Variants in BTG4 observed in about 807,000 individuals in gnomAD.
BTG4 encodes the protein BTG anti-proliferation factor 4.
In BTG4, 10 loss-of-function variants were observed where a neutral mutation model predicts 19.3. The ratio of observed to expected loss-of-function variants is 0.52; its 90% confidence interval spans 0.32 to 0.88. BTG4 has a LOEUF of 0.88. BTG4 is among the 40% of genes least tolerant of loss of function. The pLI, the probability that BTG4 is intolerant of heterozygous loss-of-function variation, is 0.04. For synonymous variants in BTG4, 91 were observed against 95.7 expected (o/e 0.95, Z 0.29); for missense variants, 238 against 281.9 (o/e 0.84, Z 1.11).
At chr11:111,422,143 C>A in the BTG4 span, among the ~76,000 whole-genome samples, 136,361 of 152,198 alleles carry the variant, frequency 0.9, 61,847 homozygotes, top group South Asian at 0.98. Flanking sequence ...GTTTTTTTAT[C>A]CCAAAACAAA....
the BTG4 span, among the ~76,000 whole-genome samples, chr11:111,425,958 G>T: frequency 6.6e-6 from 1 of 152,130 alleles, no homozygotes; most frequent in African/African-American, 2.4e-5. Flanking sequence ...GTGAGCCCTG[G>T]AAGTTGAGGA....
chr11:111,406,011 C>T, the BTG4 span, among the ~76,000 whole-genome samples: 99 of 152,264 alleles, frequency 6.5e-4, no homozygotes, highest in African/African-American at 2.3e-3. Context: ...ATCTTTACTG[C>T]TCTTTGCAAT....
chr11:111,401,377 G>A, the BTG4 span, among the ~76,000 whole-genome samples: 1 of 152,016 alleles, frequency 6.6e-6, no homozygotes, highest in Non-Finnish European at 1.5e-5. Flanking sequence ...AGCTACTCAG[G>A]GGGCTGAGGC....
intron 1 of BTG4, among the ~76,000 whole-genome samples, chr11:111,503,105 G>T (rs1194636337): frequency 6.6e-6 from 1 of 152,126 alleles, no homozygotes; most frequent in Non-Finnish European, 1.5e-5. Context: ...CTTTCAAGAG[G>T]CTTATCATCT....
the BTG4 span, among the ~76,000 whole-genome samples, chr11:111,409,346 G>T: frequency 6.6e-6 from 1 of 152,164 alleles, no homozygotes; most frequent in Non-Finnish European, 1.5e-5. Flanking sequence ...GAGTCATAGG[G>T]GGATCGCTTG....
At chr11:111,480,441 G>A (rs567064704) in intron 5 of BTG4, among the ~76,000 whole-genome samples, 1 of 151,990 alleles carries the variant, frequency 6.6e-6, no homozygotes, top group South Asian at 2.1e-4. Flanking sequence ...AAAAGAACTC[G>A]ACACCATCAA....
chr11:111,483,708 C>T (rs1236485359), intron 5 of BTG4, among the ~76,000 whole-genome samples: 4 of 151,972 alleles, frequency 2.6e-5, no homozygotes, highest in Non-Finnish European at 4.4e-5. Context: ...AAAAAAGAAG[C>T]ACACCTACAA....
chr11:111,480,528 A>G (rs917516469), intron 5 of BTG4, among the ~76,000 whole-genome samples: 48 of 152,192 alleles, frequency 3.2e-4, no homozygotes, highest in African/African-American at 1.1e-3. Flanking sequence ...AAGTGCCCAC[A>G]GGATATGCAT....
the BTG4 span, among the ~76,000 whole-genome samples, chr11:111,388,413 T>C: frequency 6.6e-6 from 1 of 152,042 alleles, no homozygotes; most frequent in African/African-American, 2.4e-5. Flanking sequence ...CACTAGTCCT[T>C]CCTTTTTTCT....
chr11:111,499,266 A>G (rs1441043570), intron 1 of BTG4, among the ~76,000 whole-genome samples: 1 of 152,232 alleles, frequency 6.6e-6, no homozygotes, highest in East Asian at 1.9e-4. Context: ...GCCCCTAAGA[A>G]AAGTGGGCGA....
intron 5 of BTG4, among the ~76,000 whole-genome samples, chr11:111,486,488 A>G (rs1865071262): frequency 6.6e-6 from 1 of 152,176 alleles, no homozygotes; most frequent in Non-Finnish European, 1.5e-5. Flanking sequence ...ATTCTAAAAA[A>G]TTGGGCTAAA....
the BTG4 span, among the ~76,000 whole-genome samples, chr11:111,458,979 C>T: frequency 2.6e-5 from 4 of 152,148 alleles, no homozygotes; most frequent in South Asian, 2.1e-4. Context: ...CGGTGGCTCA[C>T]GCCTGTAATC....
At chr11:111,419,863 G>C in the BTG4 span, among the ~76,000 whole-genome samples, 15 of 152,314 alleles carry the variant, frequency 9.8e-5, no homozygotes, top group South Asian at 3.1e-3. Flanking sequence ...TTCACTATTG[G>C]GTGCCAGTTG....
At chr11:111,404,520 G>A in the BTG4 span, 1 of 452,262 alleles carries the variant, frequency 2.2e-6, no homozygotes, top group Non-Finnish European at 4.5e-6. Flanking sequence ...ACAGGGGGCA[G>A]GGAATCATCT....
chr11:111,391,970 C>T, the BTG4 span, among the ~76,000 whole-genome samples: 72 of 152,064 alleles, frequency 4.7e-4, 1 homozygote, highest in South Asian at 0.014. Context: ...TCTGCATTCT[C>T]GGAATCAGTC....
At chr11:111,476,681 C>T (rs1240115252) in intron 5 of BTG4, among the ~76,000 whole-genome samples, 1 of 152,098 alleles carries the variant, frequency 6.6e-6, no homozygotes, top group East Asian at 1.9e-4. Flanking sequence ...TGAAATCGTG[C>T]TTTCATGGCA....
At chr11:111,451,026 G>A in the BTG4 span, 1 of 178,516 alleles carries the variant, frequency 5.6e-6, no homozygotes, top group Non-Finnish European at 1.2e-5. Context: ...ACACATCTTG[G>A]GGATCTGCTG....
the BTG4 span, among the ~76,000 whole-genome samples, chr11:111,423,034 G>T: frequency 6.6e-6 from 1 of 152,034 alleles, no homozygotes; most frequent in African/African-American, 2.4e-5. Context: ...TCTTTTCCAG[G>T]TGGGGACCCT....
chr11:111,453,101 C>A, the BTG4 span, among the ~76,000 whole-genome samples: 1 of 152,126 alleles, frequency 6.6e-6, no homozygotes, highest in Non-Finnish European at 1.5e-5. Flanking sequence ...GGGAGGGAGA[C>A]TAAAATGGGA....
Sources: allele counts gnomAD v4.1 joint callset (sites outside exome capture counted in the v4.1 genomes callset), GRCh38; gene constraint gnomAD v4.1.1; transcripts MANE v1.5; gene names NCBI Gene and HGNC (gene_info 2026-07-23, HGNC 2026-07-21).